The following PRKD1 variants were observed in gnomAD, a reference collection of about 807,000 sequenced individuals.
The protein encoded by PRKD1 is serine/threonine-protein kinase D1.
In PRKD1, 63 loss-of-function variants were observed where a neutral mutation model predicts 95.9. The observed-to-expected ratio is 0.66, with a 90% CI of 0.54 to 0.81. PRKD1 has a LOEUF of 0.81. PRKD1 is among the 30% of genes least tolerant of loss of function. PRKD1 has a pLI of 0.00. For missense variants in PRKD1, 1,048 were observed against 1,165.3 expected (o/e 0.90, Z 1.47); for synonymous variants, 425 against 423.1 (o/e 1.00, Z -0.05).
chr14:29,775,863 AC>A (rs1257895614), intron 1 of PRKD1, among the ~76,000 whole-genome samples: 1 of 151,910 alleles, frequency 6.6e-6, no homozygotes, highest in South Asian at 2.1e-4. Flanking sequence ...TGGGCCCCTG[AC>A]CCCCGAGTAG....
chr14:29,761,018 C>G (rs1213319698), intron 1 of PRKD1, among the ~76,000 whole-genome samples: 1 of 152,098 alleles, frequency 6.6e-6, no homozygotes, highest in African/African-American at 2.4e-5. Context: ...TCATAGCTCA[C>G]TGCAGCCTCA....
chr14:29,593,865 G>A (rs1485956025), intron 16 of PRKD1, among the ~76,000 whole-genome samples: 1 of 152,148 alleles, frequency 6.6e-6, no homozygotes, highest in Non-Finnish European at 1.5e-5. Flanking sequence ...CCAGCACTCA[G>A]CTTACTAAAT....
intron 1 of PRKD1, among the ~76,000 whole-genome samples, chr14:29,767,472 C>T (rs1308315359): frequency 6.6e-6 from 1 of 152,146 alleles, no homozygotes; most frequent in Non-Finnish European, 1.5e-5. Context: ...ATCTCTCCAC[C>T]TCATGCTGGT....
At chr14:29,733,266 C>T (rs935587505) in intron 1 of PRKD1, among the ~76,000 whole-genome samples, 4 of 151,792 alleles carry the variant, frequency 2.6e-5, no homozygotes. Context: ...CCACACCTGG[C>T]TAATTTTTTG....
At chr14:29,825,995 G>A (rs1282831151) in intron 1 of PRKD1, among the ~76,000 whole-genome samples, 1 of 151,452 alleles carries the variant, frequency 6.6e-6, no homozygotes, top group Non-Finnish European at 1.5e-5. Flanking sequence ...AAGAAGTTAT[G>A]CAAAAAAGAT....
chr14:29,752,681 C>T (rs1043180407), intron 1 of PRKD1, among the ~76,000 whole-genome samples: 1 of 151,908 alleles, frequency 6.6e-6, no homozygotes, highest in African/African-American at 2.4e-5. Context: ...GAGGGCATCA[C>T]CAACTTAATA....
intron 1 of PRKD1, among the ~76,000 whole-genome samples, chr14:29,733,108 ATT>A (rs35777923): frequency 2.2e-5 from 3 of 138,942 alleles, no homozygotes; most frequent in African/African-American, 7.9e-5. Flanking sequence ...TTATTTATTT[ATT>A]TTTTTTTTTT....
At chr14:29,754,091 A>G (rs190727969) in intron 1 of PRKD1, among the ~76,000 whole-genome samples, 477 of 152,298 alleles carry the variant, frequency 3.1e-3, no homozygotes, top group Non-Finnish European at 3.8e-3. Context: ...AACATTGGCT[A>G]TTACCCAACT....
intron 16 of PRKD1, among the ~76,000 whole-genome samples, chr14:29,595,747 GT>G (rs1245458230): frequency 6.6e-6 from 1 of 152,172 alleles, no homozygotes; most frequent in Non-Finnish European, 1.5e-5. Flanking sequence ...AGACATGAAG[GT>G]TGTTTCCCCA....
intron 1 of PRKD1, among the ~76,000 whole-genome samples, chr14:29,750,876 T>G (rs964897094): frequency 1.3e-5 from 2 of 152,182 alleles, no homozygotes; most frequent in African/African-American, 4.8e-5. Context: ...TAGGAGATAT[T>G]TGCAGGTAAT....
At chr14:29,747,446 A>G (rs921411004) in intron 1 of PRKD1, among the ~76,000 whole-genome samples, 1 of 152,162 alleles carries the variant, frequency 6.6e-6, no homozygotes, top group African/African-American at 2.4e-5. Flanking sequence ...CTCCACTCCT[A>G]GGTATATACT....
chr14:29,633,976 C>G (rs374998772), intron 8 of PRKD1, among the ~76,000 whole-genome samples: 1 of 152,172 alleles, frequency 6.6e-6, no homozygotes, highest in Non-Finnish European at 1.5e-5. Context: ...TCTCAGGGTA[C>G]AGGATTCCAA....
chr14:29,695,794 G>A (rs1429154038), intron 2 of PRKD1, among the ~76,000 whole-genome samples: 7 of 152,282 alleles, frequency 4.6e-5, no homozygotes, highest in African/African-American at 1.4e-4. Flanking sequence ...GAGGAAGAGT[G>A]CCAGCCAAGG....
At chr14:29,874,191 C>T (rs1893207876) in intron 1 of PRKD1, among the ~76,000 whole-genome samples, 1 of 151,968 alleles carries the variant, frequency 6.6e-6, no homozygotes, top group Non-Finnish European at 1.5e-5. Flanking sequence ...CAGTCTTTGC[C>T]AGAAAACATA....
chr14:29,584,200 A>C (rs896072868), intron 16 of PRKD1, among the ~76,000 whole-genome samples: 1 of 152,230 alleles, frequency 6.6e-6, no homozygotes, highest in African/African-American at 2.4e-5. Context: ...AACAAAATAC[A>C]GAATTATATT....
chr14:29,632,033 T>C (rs904015066), intron 9 of PRKD1, among the ~76,000 whole-genome samples: 1 of 150,860 alleles, frequency 6.6e-6, no homozygotes, highest in Non-Finnish European at 1.5e-5. Context: ...ACTCCTGACC[T>C]CAAATGATCC....
intron 1 of PRKD1, among the ~76,000 whole-genome samples, chr14:29,869,919 G>GT (rs915154849): frequency 7.9e-5 from 12 of 152,022 alleles, no homozygotes; most frequent in Non-Finnish European, 1.5e-4. Flanking sequence ...CGAGAGGTGG[G>GT]TATCTTCTTC....
intron 1 of PRKD1, among the ~76,000 whole-genome samples, chr14:29,846,900 C>T (rs1316726837): frequency 6.6e-6 from 1 of 152,168 alleles, no homozygotes; most frequent in Non-Finnish European, 1.5e-5. Flanking sequence ...TCAAGCATGA[C>T]ACCTGTGTTA....
chr14:29,695,340 A>G (rs1007942833), intron 2 of PRKD1, among the ~76,000 whole-genome samples: 1 of 152,204 alleles, frequency 6.6e-6, no homozygotes, highest in Admixed American at 6.5e-5. Flanking sequence ...TGTAGAATTT[A>G]ATCAGGTCTT....
Sources: gnomAD v4.1 joint callset for allele counts (sites outside exome capture counted in the v4.1 genomes callset) on GRCh38, gnomAD v4.1.1 for gene constraint, MANE v1.5 for transcripts, NCBI Gene and HGNC (gene_info 2026-07-23, HGNC 2026-07-21) for gene names.